Variants in CR1L observed in about 807,000 individuals in gnomAD.
CR1L encodes the protein complement C3b/C4b receptor 1 like.
In CR1L, 59 loss-of-function variants were observed where a neutral mutation model predicts 62.3. The observed-to-expected ratio is 0.95, with a 90% confidence interval of 0.77 to 1.18. CR1L has a LOEUF of 1.18. CR1L is among the 50% of genes most tolerant of loss of function. CR1L has a pLI of 0.00. For synonymous variants in CR1L, 279 were observed against 248.7 expected, an observed-to-expected ratio of 1.12 and a Z score of -1.15; for missense variants, 700 against 702.8, an observed-to-expected ratio of 1.00 and a Z score of 0.04.
At chr1:207,695,350 G>A (rs150282033) in intron 5 of CR1L, among the ~76,000 whole-genome samples, 21 of 152,016 alleles carry the variant, frequency 1.4e-4, no homozygotes, top group Admixed American at 1.2e-3. Context: ...GGCTTGTCTC[G>A]AACACCTGAG....
chr1:207,705,999 ATG>A (rs1200857176), intron 9 of CR1L, among the ~76,000 whole-genome samples: 50 of 114,208 alleles, frequency 4.4e-4, no homozygotes, highest in Non-Finnish European at 8.2e-4. Flanking sequence ...TGTCATATAT[ATG>A]TGTGTGTGTA....
At chr1:207,714,556 T>G (rs1233353912) in intron 10 of CR1L, among the ~76,000 whole-genome samples, 2 of 152,166 alleles carry the variant, frequency 1.3e-5, no homozygotes, top group Non-Finnish European at 2.9e-5. Flanking sequence ...TATTATTCGT[T>G]GCTTATGTGT....
intron 11 of CR1L, 73 bp downstream of exon 11, chr1:207,717,764 A>G: frequency 6.4e-7 from 1 of 1,554,828 alleles, no homozygotes; most frequent in South Asian, 1.2e-5. Flanking sequence ...TTCTATAGTG[A>G]CAGTCATTTT....
intron 5 of CR1L, 89 bp from the exon 6 acceptor site, chr1:207,697,414 A>G (rs1664114749): frequency 6.2e-7 from 1 of 1,609,414 alleles, no homozygotes; most frequent in South Asian, 1.1e-5. Context: ...TTACATATAG[A>G]TTTGTAATTA....
chr1:207,699,841 T>TA (rs755929219), intron 8 of CR1L, among the ~76,000 whole-genome samples: 31 of 152,262 alleles, frequency 2.0e-4, no homozygotes, highest in Non-Finnish European at 4.0e-4. Flanking sequence ...ATGTTGTTTT[T>TA]ACTCAGGTAG....
chr1:207,669,029 G>T, intron 1 of CR1L: 1 of 215,098 alleles, frequency 4.6e-6, no homozygotes, highest in South Asian at 7.1e-5. Flanking sequence ...TCAACACAGA[G>T]AGCAGGCATT....
intron 1 of CR1L, chr1:207,657,344 C>T (rs1245734841): frequency 1.1e-6 from 1 of 884,150 alleles, no homozygotes; most frequent in African/African-American, 1.6e-5. Flanking sequence ...TTATTTCCTT[C>T]TTCATCTGTA....
At chr1:207,717,082 T>C (rs2102483328) in intron 10 of CR1L, among the ~76,000 whole-genome samples, 1 of 152,352 alleles carries the variant, frequency 6.6e-6, no homozygotes, top group East Asian at 1.9e-4. Flanking sequence ...TTGGAACTTA[T>C]GGTCTCTGAT....
intron 1 of CR1L, among the ~76,000 whole-genome samples, chr1:207,662,868 C>G (rs886895065): frequency 6.6e-6 from 1 of 152,196 alleles, no homozygotes; most frequent in African/African-American, 2.4e-5. Context: ...TTCTAACAGT[C>G]AGGACCCTCA....
chr1:207,713,773 G>A (rs1241391863), intron 10 of CR1L, among the ~76,000 whole-genome samples: 1 of 152,254 alleles, frequency 6.6e-6, no homozygotes, highest in Non-Finnish European at 1.5e-5. Flanking sequence ...CCCAGAGGGG[G>A]TGTAACAGCA....
At chr1:207,650,137 G>C (rs549276297) in intron 1 of CR1L, among the ~76,000 whole-genome samples, 64 of 152,218 alleles carry the variant, frequency 4.2e-4, no homozygotes, top group African/African-American at 1.5e-3. Flanking sequence ...TGTAGTTTTG[G>C]CACCCCAGCT....
At chr1:207,648,586 A>G (rs1571639537) in intron 1 of CR1L, among the ~76,000 whole-genome samples, 1 of 115,198 alleles carries the variant, frequency 8.7e-6, no homozygotes, top group East Asian at 2.2e-4. Context: ...GCAGAAGGAA[A>G]CATGTGTCAA....
chr1:207,652,904 C>A (rs547795253), intron 1 of CR1L, among the ~76,000 whole-genome samples: 12 of 152,050 alleles, frequency 7.9e-5, no homozygotes, highest in African/African-American at 2.9e-4. Flanking sequence ...TCCAAGAAAT[C>A]TTTTTCTTGG....
At chr1:207,708,034 G>C (rs910687916) in intron 9 of CR1L, 144 bp from the exon 10 acceptor site, 7 of 966,310 alleles carry the variant, frequency 7.2e-6, no homozygotes, top group Non-Finnish European at 8.0e-6. Context: ...AAAAGAAGTA[G>C]AAAAGCTGGG....
At chr1:207,682,939 T>C (rs1250585948) in intron 3 of CR1L, among the ~76,000 whole-genome samples, 2 of 151,598 alleles carry the variant, frequency 1.3e-5, no homozygotes, top group Non-Finnish European at 2.9e-5. Flanking sequence ...TTGGATTGCC[T>C]TTGGTTCTAG....
chr1:207,677,714 C>T, intron 2 of CR1L, 146 bp downstream of exon 2: 1 of 951,044 alleles, frequency 1.1e-6, no homozygotes, highest in East Asian at 2.6e-5. Flanking sequence ...GTAGATCATA[C>T]CTTGTTACTG....
intron 1 of CR1L, among the ~76,000 whole-genome samples, chr1:207,672,883 G>A (rs1663635342): frequency 6.6e-6 from 1 of 152,100 alleles, no homozygotes; most frequent in African/African-American, 2.4e-5. Context: ...ATTATCTACT[G>A]TTATCTAAAA....
At chr1:207,657,973 TCAA>T (rs1303062178) in intron 1 of CR1L, among the ~76,000 whole-genome samples, 3 of 152,026 alleles carry the variant, frequency 2.0e-5, no homozygotes, top group Non-Finnish European at 4.4e-5. Context: ...AAAGTAGGAA[TCAA>T]CAACAAGGCC....
chr1:207,701,400 T>G, intron 8 of CR1L, 119 bp from the exon 9 acceptor site: 4 of 1,338,322 alleles, frequency 3.0e-6, no homozygotes, highest in Non-Finnish European at 4.2e-6. Context: ...GGTGCCAAAA[T>G]CTGTGGAACT....
Sources: allele counts gnomAD v4.1 joint callset (sites outside exome capture counted in the v4.1 genomes callset), GRCh38; gene constraint gnomAD v4.1.1; transcripts MANE v1.5; gene names NCBI Gene and HGNC (gene_info 2026-07-23, HGNC 2026-07-21).